MINDY2: variants seen among roughly 807,000 people sequenced by gnomAD.
MINDY2 encodes MINDY lysine 48 deubiquitinase 2.
Under a neutral mutation model 68.2 loss-of-function variants are expected in MINDY2, and 52 were observed. That is an observed-to-expected ratio of 0.76 (90% confidence interval 0.61 to 0.96). The LOEUF is 0.96. Among genes scored for constraint, MINDY2 ranks in the 40% least tolerant of loss-of-function variants. The pLI is 0.00. For synonymous variants in MINDY2, 372 were observed against 303.0 expected (o/e 1.23, Z -2.36); for missense variants, 881 against 773.4 (o/e 1.14, Z -1.65).
chr15:58,852,645 A>G (rs1401733305), intron 8 of MINDY2, among the ~76,000 whole-genome samples: 2 of 152,140 alleles, frequency 1.3e-5, no homozygotes, highest in Non-Finnish European at 2.9e-5. Flanking sequence ...CTCTTGGATG[A>G]CGTCCTCTAC....
At chr15:58,802,630 C>CT (rs1367550669) in intron 3 of MINDY2, among the ~76,000 whole-genome samples, 1 of 151,310 alleles carries the variant, frequency 6.6e-6, no homozygotes. Context: ...AGTATTTTTC[C>CT]TTTTTTTTCT....
At chr15:58,785,547 G>A (rs200049542) in intron 1 of MINDY2, among the ~76,000 whole-genome samples, 4 of 111,978 alleles carry the variant, frequency 3.6e-5, no homozygotes, top group Admixed American at 2.1e-4. Context: ...CCAAAAAAAC[G>A]TTTATTTAGA....
chr15:58,821,401 TA>T (rs1407079921), intron 4 of MINDY2, among the ~76,000 whole-genome samples: 2 of 151,986 alleles, frequency 1.3e-5, no homozygotes, highest in African/African-American at 4.8e-5. Context: ...TCTTCTGGAA[TA>T]GTTTATGTTT....
rs1225519844 is a variant in MINDY2, at chr15:58,854,598, T to C, written c.1854T>C (p.Cys618=). The change falls in exon 9 of 9, where the codon TGT becomes TGC. Residue 618 remains cysteine (C), a synonymous_variant. Coordinates refer to ENST00000559228, the MANE Select transcript of MINDY2 (RefSeq NM_001040450.3). ...DKEKEKEKNS[C]VIL The stretch of plus-strand genomic sequence containing the variant: ...AAAAAGAAAAGGAAAAAAATAGCTG[T>C]GTTATTTTGTAACAAGTGTTGGCTT... 6.2e-7 allele frequency: 1 copy of C among 1,608,740 alleles called. No homozygotes were observed. The highest frequency in any genetic ancestry group is 1.7e-5 in the Admixed American group (1 of 59,906).
At chr15:58,773,208 C>G (rs190544134) in intron 1 of MINDY2, among the ~76,000 whole-genome samples, 3 of 152,182 alleles carry the variant, frequency 2.0e-5, no homozygotes, top group Admixed American at 2.0e-4. Flanking sequence ...CTCAGCTACT[C>G]TGGAGGCTGA....
chr15:58,838,772 G>A (rs1175557613), intron 6 of MINDY2, among the ~76,000 whole-genome samples: 1 of 151,456 alleles, frequency 6.6e-6, no homozygotes, highest in African/African-American at 2.4e-5. Flanking sequence ...AGTAGAGATT[G>A]GTTGCACCAT....
intron 3 of MINDY2, among the ~76,000 whole-genome samples, chr15:58,809,091 A>G (rs1345236321): frequency 6.6e-6 from 1 of 152,208 alleles, no homozygotes; most frequent in East Asian, 1.9e-4. Context: ...ATATACCTGT[A>G]GCCCCAGCTA....
chr15:58,835,950 C>T (rs1364878024), intron 6 of MINDY2, among the ~76,000 whole-genome samples: 1 of 152,120 alleles, frequency 6.6e-6, no homozygotes, highest in East Asian at 1.9e-4. Flanking sequence ...CTTGCTGTCA[C>T]CCAGGCTGGA....
intron 2 of MINDY2, among the ~76,000 whole-genome samples, chr15:58,795,664 A>C (rs1439247606): frequency 6.6e-6 from 1 of 152,126 alleles, no homozygotes; most frequent in Admixed American, 6.5e-5. Context: ...TCGGCCTCCC[A>C]AAGTGCCGGG....
At chr15:58,837,833 G>A (rs2032072644) in intron 6 of MINDY2, among the ~76,000 whole-genome samples, 1 of 151,958 alleles carries the variant, frequency 6.6e-6, no homozygotes, top group South Asian at 2.1e-4. Context: ...GCCAGGCATG[G>A]TGGTGTGTGC....
chr15:58,854,414 T>C, intron 8 of MINDY2, 68 bp from the exon 9 acceptor site: 1 of 1,536,940 alleles, frequency 6.5e-7, no homozygotes, highest in Non-Finnish European at 8.8e-7. Flanking sequence ...AGTTTTCCTT[T>C]CTAGATAACC....
intron 7 of MINDY2, 30 bp downstream of exon 7, chr15:58,847,500 T>G (rs1342167644): frequency 6.8e-7 from 1 of 1,474,630 alleles, no homozygotes; most frequent in African/African-American, 1.4e-5. Flanking sequence ...TTTATAGTGG[T>G]TAAAATGCTG....
chr15:58,806,640 C>T (rs1471559193), intron 3 of MINDY2, among the ~76,000 whole-genome samples: 1 of 151,990 alleles, frequency 6.6e-6, no homozygotes, highest in Non-Finnish European at 1.5e-5. Context: ...AGCATGAGCC[C>T]AGAGCCATTA....
chr15:58,824,732 C>T (rs1296557634), intron 5 of MINDY2, among the ~76,000 whole-genome samples: 1 of 149,830 alleles, frequency 6.7e-6, no homozygotes, highest in Non-Finnish European at 1.5e-5. Context: ...TGTAGTGGCA[C>T]GATCTCGGCT....
intron 5 of MINDY2, among the ~76,000 whole-genome samples, chr15:58,827,567 C>T (rs185357749): frequency 1.3e-5 from 2 of 152,140 alleles, no homozygotes; most frequent in Admixed American, 6.5e-5. Context: ...GGGTTCATGC[C>T]GTTCTCTTGC....
chr15:58,842,002 T>C (rs1216424347), intron 6 of MINDY2, among the ~76,000 whole-genome samples: 1 of 152,004 alleles, frequency 6.6e-6, no homozygotes, highest in Non-Finnish European at 1.5e-5. Context: ...ATGGCCCTCC[T>C]TCACCACCCT....
chr15:58,783,869 CG>C (rs1310868280), intron 1 of MINDY2, among the ~76,000 whole-genome samples: 1 of 151,924 alleles, frequency 6.6e-6, no homozygotes, highest in Non-Finnish European at 1.5e-5. Flanking sequence ...CACCTGAGCC[CG>C]GGGAGGTTGA....
chr15:58,792,626 G>A (rs935269117), intron 2 of MINDY2, among the ~76,000 whole-genome samples: 22 of 151,900 alleles, frequency 1.4e-4, no homozygotes, highest in Admixed American at 2.0e-4. Context: ...AAAGAAAAAT[G>A]TTCAAAGCAG....
chr15:58,825,931 C>T (rs543758729), intron 5 of MINDY2, among the ~76,000 whole-genome samples: 1 of 151,944 alleles, frequency 6.6e-6, no homozygotes, highest in African/African-American at 2.4e-5. Context: ...AACAGTTGTT[C>T]CTAGGACAAA....
Sources: allele counts gnomAD v4.1 joint callset (sites outside exome capture counted in the v4.1 genomes callset), GRCh38; gene constraint gnomAD v4.1.1; transcripts MANE v1.5; gene names NCBI Gene and HGNC (gene_info 2026-07-23, HGNC 2026-07-21).